The following CLYBL variants were observed in gnomAD, a reference collection of about 807,000 sequenced individuals.
CLYBL encodes the protein citramalyl-CoA lyase, also known as citramalyl-CoA lyase, mitochondrial.
In CLYBL, 31 loss-of-function variants were observed where a neutral mutation model predicts 38.9. The ratio of observed to expected loss-of-function variants is 0.80; its 90% confidence interval spans 0.60 to 1.08. The LOEUF (loss-of-function observed/expected upper bound fraction) is 1.08. Among genes scored for constraint, CLYBL ranks in the 50% least tolerant of loss-of-function variants. The probability of loss-of-function intolerance (pLI) is 0.00; values close to 1 mark genes in which losing one functional copy is unlikely to be tolerated. For missense variants in CLYBL, 434 were observed against 411.6 expected (o/e 1.05, Z -0.47); for synonymous variants, 171 against 158.6 (o/e 1.08, Z -0.59).
intron 1 of CLYBL, among the ~76,000 whole-genome samples, chr13:99,620,217 A>C (rs2046772131): frequency 6.6e-6 from 1 of 152,134 alleles, no homozygotes; most frequent in African/African-American, 2.4e-5. Flanking sequence ...AGATATCCTA[A>C]ATTTTAGTCT....
chr13:99,895,177 G>A (rs1477419356), downstream of CLYBL: 1 of 152,118 alleles, frequency 6.6e-6, no homozygotes, highest in Non-Finnish European at 1.5e-5. Flanking sequence ...GCGGGAGTTC[G>A]GGAAACTGAC....
At chr13:99,896,413 CCGGA>C (rs1645423749), downstream of CLYBL, 1 of 152,236 alleles carries the variant, frequency 6.6e-6, no homozygotes, top group South Asian at 2.1e-4. Context: ...TGCGCGCAGG[CCGGA>C]CACCTGCGCA....
intron 7 of CLYBL, among the ~76,000 whole-genome samples, chr13:99,875,261 A>T (rs1171700714): frequency 6.6e-6 from 1 of 152,248 alleles, no homozygotes; most frequent in Non-Finnish European, 1.5e-5. Flanking sequence ...AGAGAAAAAC[A>T]GTGCAAGCTG....
intron 2 of CLYBL, among the ~76,000 whole-genome samples, chr13:99,838,017 A>G (rs149804261): frequency 1.2e-3 from 184 of 152,306 alleles, no homozygotes; most frequent in Non-Finnish European, 1.8e-3. Context: ...CAAAATCCCA[A>G]TGCTTTTATA....
intron 1 of CLYBL, among the ~76,000 whole-genome samples, chr13:99,756,236 GT>G (rs1278308305): frequency 6.6e-6 from 1 of 152,176 alleles, no homozygotes; most frequent in East Asian, 1.9e-4. Context: ...TCAGTGGAAG[GT>G]TGTGTAATTG....
chr13:99,652,118 T>C (rs917003943), intron 1 of CLYBL, among the ~76,000 whole-genome samples: 1 of 152,192 alleles, frequency 6.6e-6, no homozygotes, highest in African/African-American at 2.4e-5. Context: ...GCCAGGGTGC[T>C]CAGTCTGTAA....
chr13:99,725,457 C>T (rs1355432234), intron 1 of CLYBL, among the ~76,000 whole-genome samples: 2 of 152,114 alleles, frequency 1.3e-5, no homozygotes, highest in Non-Finnish European at 2.9e-5. Flanking sequence ...CCAGGATGGT[C>T]AGGATCAGGT....
intron 1 of CLYBL, among the ~76,000 whole-genome samples, chr13:99,699,324 GTGGTAAGCTGAGATCGTGCCA>G (rs2048026082): frequency 6.6e-6 from 1 of 152,130 alleles, no homozygotes; most frequent in South Asian, 2.1e-4. Flanking sequence ...GGTGGAGGTT[GTGGTAAGCTGAGATCGTGCCA>G]TTGCACTCCA....
intron 1 of CLYBL, among the ~76,000 whole-genome samples, chr13:99,702,100 C>T (rs1341932403): frequency 6.6e-6 from 1 of 152,152 alleles, no homozygotes; most frequent in African/African-American, 2.4e-5. Context: ...GTTTTCATCA[C>T]ACCTTTTATT....
At chr13:99,813,965 G>A (rs1056858794) in intron 2 of CLYBL, among the ~76,000 whole-genome samples, 4 of 152,076 alleles carry the variant, frequency 2.6e-5, no homozygotes, top group Non-Finnish European at 5.9e-5. Context: ...TTCTCCAACT[G>A]CCAAAGCCTC....
intron 1 of CLYBL, among the ~76,000 whole-genome samples, chr13:99,724,131 T>C (rs2048434110): frequency 6.6e-6 from 1 of 152,202 alleles, no homozygotes; most frequent in African/African-American, 2.4e-5. Context: ...AGTTGTGCCC[T>C]GTTGTGGGGA....
chr13:99,676,215 TCC>T, intron 1 of CLYBL, among the ~76,000 whole-genome samples: 1 of 146,284 alleles, frequency 6.8e-6, no homozygotes, highest in East Asian at 2.1e-4. Context: ...CTTCCTTCCT[TCC>T]TTCCTTCCTT....
intron 1 of CLYBL, among the ~76,000 whole-genome samples, chr13:99,629,003 C>G (rs9554619): frequency 0.26 from 38,883 of 152,184 alleles, 6,119 homozygotes; most frequent in East Asian, 0.58. Context: ...CACCTTGAAA[C>G]AGCGACTGCC....
intron 1 of CLYBL, among the ~76,000 whole-genome samples, chr13:99,701,171 G>T (rs1251702871): frequency 1.3e-5 from 2 of 152,256 alleles, no homozygotes; most frequent in South Asian, 2.1e-4. Flanking sequence ...TACATAGGAG[G>T]TTGTAAATAT....
chr13:99,667,560 A>G lies in CLYBL; in HGVS notation c.62+60803A>G, dbSNP rs1044020469. ...AGTAAGACAGAGAGGGAATGTGTCA[A>G]CTGGCCTCAATTTCCTAGTAGTTTT... On this transcript the variant is annotated intron_variant, in intron 1 of 8. Coordinates refer to ENST00000339105, the MANE Select transcript of CLYBL (RefSeq NM_206808.5). Among the ~76,000 whole-genome samples, 4 of 151,908 alleles carry G rather than the reference A, an allele frequency of 2.6e-5. No homozygotes were observed. The South Asian group carries it at 8.3e-4, about 32-fold the overall frequency.
chr13:99,619,128 A>C (rs1169321667), intron 1 of CLYBL, among the ~76,000 whole-genome samples: 6 of 152,234 alleles, frequency 3.9e-5, no homozygotes, highest in Admixed American at 2.6e-4. Context: ...TATCCCCTCC[A>C]AAATTCATGT....
At chr13:99,846,112 C>A (rs1375247056) in intron 2 of CLYBL, among the ~76,000 whole-genome samples, 1 of 151,974 alleles carries the variant, frequency 6.6e-6, no homozygotes, top group Non-Finnish European at 1.5e-5. Flanking sequence ...ATAGCCACTG[C>A]ACTCCAGCCT....
intron 1 of CLYBL, among the ~76,000 whole-genome samples, chr13:99,692,939 T>C (rs1437972322): frequency 6.6e-6 from 1 of 151,706 alleles, no homozygotes; most frequent in African/African-American, 2.4e-5. Flanking sequence ...TAATGTTCAA[T>C]TGTAGGAATA....
chr13:99,691,304 T>C (rs1479558337), intron 1 of CLYBL, among the ~76,000 whole-genome samples: 1 of 152,210 alleles, frequency 6.6e-6, no homozygotes, highest in Admixed American at 6.5e-5. Flanking sequence ...TCTAGAGTTA[T>C]AAATACTATA....
Sources: allele counts gnomAD v4.1 joint callset (sites outside exome capture counted in the v4.1 genomes callset), GRCh38; gene constraint gnomAD v4.1.1; transcripts MANE v1.5; gene names NCBI Gene and HGNC (gene_info 2026-07-23, HGNC 2026-07-21).